The following EEF1AKMT2 variants were observed in gnomAD, a reference collection of about 807,000 sequenced individuals.
The protein encoded by EEF1AKMT2 is eukaryotic translation elongation factor 1 alpha lysine methyltransferase 2.
In EEF1AKMT2, 32 loss-of-function variants were observed where a neutral mutation model predicts 35.8. The ratio of observed to expected loss-of-function variants is 0.89; its 90% CI spans 0.67 to 1.20. The LOEUF (loss-of-function observed/expected upper bound fraction) is 1.20, where lower values mean the gene tolerates loss of function less well. EEF1AKMT2 is among the 50% of genes most tolerant of loss of function. EEF1AKMT2 has a pLI of 0.00. For synonymous variants in EEF1AKMT2, 121 were observed against 133.7 expected (o/e 0.91, Z 0.65); for missense variants, 330 against 347.5 (o/e 0.95, Z 0.40).
chr10:124,770,185 G>A (rs1015374809), intron 4 of EEF1AKMT2, among the ~76,000 whole-genome samples: 4 of 152,038 alleles, frequency 2.6e-5, no homozygotes, highest in Non-Finnish European at 5.9e-5. Flanking sequence ...TTGAGGGGCC[G>A]AGGCGGGTGG....
intron 3 of EEF1AKMT2, among the ~76,000 whole-genome samples, chr10:124,782,520 T>C (rs1198826491): frequency 7.0e-6 from 1 of 143,028 alleles, no homozygotes; most frequent in Admixed American, 7.4e-5. Context: ...AGGCGGAGCT[T>C]GCAGTGAGCC....
chr10:124,781,852 T>C (rs755061717), intron 3 of EEF1AKMT2, among the ~76,000 whole-genome samples: 26 of 152,020 alleles, frequency 1.7e-4, no homozygotes, highest in Non-Finnish European at 3.5e-4. Context: ...TTAAAATGTT[T>C]GAAAAAAATC....
chr10:124,768,739 G>A (rs1950402238), intron 4 of EEF1AKMT2, among the ~76,000 whole-genome samples: 1 of 151,780 alleles, frequency 6.6e-6, no homozygotes, highest in Admixed American at 6.6e-5. Flanking sequence ...AACAGAAAAA[G>A]CCTCCGTCTC....
intron 3 of EEF1AKMT2, among the ~76,000 whole-genome samples, chr10:124,786,912 C>A (rs1950589442): frequency 6.6e-6 from 1 of 151,878 alleles, no homozygotes; most frequent in Non-Finnish European, 1.5e-5. Flanking sequence ...CCCAAAAGAA[C>A]CTATACAGGT....
rs149897294 is a variant in EEF1AKMT2 at position 124,760,941 on chromosome 10, C to T, written c.*-438G>A. Among the ~76,000 whole-genome samples the T allele has an allele frequency of 7.2e-3, 1,104 of 152,350 alleles. 16 individuals carry two copies. The highest frequency in any genetic ancestry group is 0.026 in the African/African-American group (1,076 of 41,580). On this transcript the variant is annotated intron_variant, in intron 6 of 6. Coordinates refer to ENST00000368836, the MANE Select transcript of EEF1AKMT2 (RefSeq NM_212554.4). ...CTGGAGTGCAGTGGCACAAGCTCAG[C>T]TCACTGCAACCTCTGCCTCCAGAGT... is the stretch of plus-strand genomic sequence containing the variant.
At chr10:124,760,965 G>A (rs1046798718) in intron 6 of EEF1AKMT2, among the ~76,000 whole-genome samples, 4 of 152,202 alleles carry the variant, frequency 2.6e-5, no homozygotes, top group Admixed American at 2.6e-4. Context: ...TGCCTCCAGA[G>A]TTCAAGCGAT....
chr10:124,778,506 C>T (rs1356626617), intron 3 of EEF1AKMT2, among the ~76,000 whole-genome samples: 1 of 151,692 alleles, frequency 6.6e-6, no homozygotes, highest in Non-Finnish European at 1.5e-5. Flanking sequence ...GGCGGATCAC[C>T]TAAGGTCAGG....
At chr10:124,770,893 T>G (rs1338674610) in intron 4 of EEF1AKMT2, among the ~76,000 whole-genome samples, 1 of 152,226 alleles carries the variant, frequency 6.6e-6, no homozygotes, top group Non-Finnish European at 1.5e-5. Flanking sequence ...TTACACCTTC[T>G]GGCTCCACTT....
chr10:124,786,448 G>C (rs1950584769), intron 3 of EEF1AKMT2, among the ~76,000 whole-genome samples: 1 of 151,658 alleles, frequency 6.6e-6, no homozygotes, highest in African/African-American at 2.4e-5. Flanking sequence ...GGAGCTTGCA[G>C]TGAGCCGAGA....
At position 124,762,315 on chromosome 10, in the gene EEF1AKMT2, G is replaced by A; in HGVS notation, c.860C>T (p.Pro287Leu). 1 of 1,098,038 alleles carries A rather than the reference G, an allele frequency of 9.1e-7. No homozygotes were observed. Among genetic ancestry groups the A allele is most frequent in the South Asian group, 2.4e-5 (1 of 41,326 alleles). 68.0% of individuals were successfully genotyped at this position (1,098,038 alleles called of 1,614,324 possible). A position where few individuals can be genotyped will look rare whatever the true frequency, so the allele number is the denominator to read the frequency against. The change falls in exon 6 of 7, where the codon CCC (proline) becomes CTC (leucine). Residue 287 changes from proline to leucine, a missense_variant. Physicochemically the swap from Pro to Leu is moderately conservative, Grantham distance 98. Coordinates refer to ENST00000368836, the MANE Select transcript of EEF1AKMT2 (RefSeq NM_212554.4). ...GGTCACTTACTAAAATGCCAACGAG[G>A]GCCTGGCATGGTATAATCCCAGCAC... is the stretch of plus-strand genomic sequence containing the variant. ...PKVLGLYHARPSLAF is the reference protein window; with the variant it reads ...PKVLGLYHARLSLAF
At chr10:124,775,419 T>A (rs150562773) in intron 3 of EEF1AKMT2, among the ~76,000 whole-genome samples, 1 of 152,288 alleles carries the variant, frequency 6.6e-6, no homozygotes, top group Non-Finnish European at 1.5e-5. Context: ...CATTAACCCA[T>A]CTAGGCTGTG....
intron 4 of EEF1AKMT2, among the ~76,000 whole-genome samples, chr10:124,770,842 C>T (rs1305887921): frequency 6.6e-6 from 1 of 152,216 alleles, no homozygotes; most frequent in African/African-American, 2.4e-5. Flanking sequence ...GAAGCAACTC[C>T]TTATCTGATC....
chr10:124,782,442 C>T lies in EEF1AKMT2; in HGVS notation c.291+6601G>A, dbSNP rs980773948. On this transcript the variant is annotated intron_variant, in intron 3 of 6. Coordinates refer to ENST00000368836, the MANE Select transcript of EEF1AKMT2 (RefSeq NM_212554.4). Reference sequence around the variant, plus strand: ...CTAAAAATACAAAAAATTAGCCGGGCGTGGTAGCGGGCGCCTGTAGTCCCA... The same window carrying T: ...CTAAAAATACAAAAAATTAGCCGGGTGTGGTAGCGGGCGCCTGTAGTCCCA... Among the ~76,000 whole-genome samples, 18 of 151,722 alleles carry T rather than the reference C, an allele frequency of 1.2e-4. No individual in the cohort carries two copies. In the South Asian group the frequency reaches 1.7e-3, roughly 14 times the overall value.
intron 6 of EEF1AKMT2, 71 bp downstream of exon 6, chr10:124,762,229 T>C (rs1415699698): frequency 7.8e-6 from 8 of 1,030,590 alleles, no homozygotes; most frequent in Non-Finnish European, 9.8e-6. Flanking sequence ...TGTAGTGTTT[T>C]CCTAAACTAT....
At position 124,787,340 on chromosome 10, in the gene EEF1AKMT2, C is replaced by T. The variant is rs1187756497; in HGVS notation, c.291+1703G>A. Among the ~76,000 whole-genome samples the T allele has an allele frequency of 4.1e-5, 6 of 146,546 alleles. No homozygotes were observed. The South Asian group carries it at 6.3e-4, about 15-fold the overall frequency. Reference sequence around the variant, plus strand: ...CCCAGCTACTCATGAGGCTGAGGCACGAGAACCACTTGAACCCAGGTGGTG... The same window carrying T: ...CCCAGCTACTCATGAGGCTGAGGCATGAGAACCACTTGAACCCAGGTGGTG... On this transcript the variant is annotated intron_variant, in intron 3 of 6. Transcript: ENST00000368836.
At chr10:124,766,521 T>C (rs1021860805) in intron 4 of EEF1AKMT2, among the ~76,000 whole-genome samples, 4 of 152,160 alleles carry the variant, frequency 2.6e-5, no homozygotes, top group Non-Finnish European at 5.9e-5. Context: ...TATTCACAAT[T>C]TACCAATGAA....
At chr10:124,785,223 G>A (rs111467478) in intron 3 of EEF1AKMT2, among the ~76,000 whole-genome samples, 5,332 of 138,272 alleles carry the variant, frequency 0.039, 137 homozygotes, top group South Asian at 0.097. Context: ...CTCTAGCCTG[G>A]GTGACAGAGC....
At chr10:124,763,489 T>TA (rs1220662192) in intron 5 of EEF1AKMT2, among the ~76,000 whole-genome samples, 1 of 152,186 alleles carries the variant, frequency 6.6e-6, no homozygotes, top group Non-Finnish European at 1.5e-5. Flanking sequence ...TGTATTCTGT[T>TA]ACTGTCCCAT....
At chr10:124,777,506 C>G (rs968879191) in intron 3 of EEF1AKMT2, among the ~76,000 whole-genome samples, 1 of 151,496 alleles carries the variant, frequency 6.6e-6, no homozygotes, top group African/African-American at 2.4e-5. Context: ...ACGATGGTAT[C>G]TGTGTACCTA....
Sources: allele counts gnomAD v4.1 joint callset (sites outside exome capture counted in the v4.1 genomes callset), GRCh38; gene constraint gnomAD v4.1.1; transcripts MANE v1.5; gene names NCBI Gene and HGNC (gene_info 2026-07-23, HGNC 2026-07-21).